The following MAGI2 variants were observed in gnomAD, a reference collection of about 807,000 sequenced individuals.
MAGI2 encodes membrane-associated guanylate kinase, WW and PDZ domain-containing protein 2.
Under a neutral mutation model 133.3 loss-of-function variants are expected in MAGI2, and 35 were observed. That is an observed-to-expected ratio of 0.26 (90% confidence interval 0.20 to 0.35). The LOEUF (loss-of-function observed/expected upper bound fraction) is 0.35, where lower values mean the gene tolerates loss of function less well. Ranked by LOEUF, MAGI2 falls within the 10% of genes least tolerant of loss-of-function variation. MAGI2 has a pLI of 1.00. For missense variants in MAGI2, 1,636 were observed against 1,863.4 expected (o/e 0.88, Z 2.25); for synonymous variants, 729 against 710.6 (o/e 1.03, Z -0.41).
chr7:78,685,225 T>C (rs1231349299), intron 2 of MAGI2, among the ~76,000 whole-genome samples: 1 of 152,206 alleles, frequency 6.6e-6, no homozygotes, highest in Non-Finnish European at 1.5e-5. Context: ...CATCATTTAT[T>C]CCTGGCAGAG....
chr7:78,126,311 A>C (rs948872554), intron 19 of MAGI2, among the ~76,000 whole-genome samples: 12 of 152,076 alleles, frequency 7.9e-5, no homozygotes, highest in African/African-American at 2.9e-4. Flanking sequence ...ATTGAATATC[A>C]AGTTGGAATG....
At chr7:78,709,286 A>G (rs1366052983) in intron 2 of MAGI2, among the ~76,000 whole-genome samples, 1 of 135,670 alleles carries the variant, frequency 7.4e-6, no homozygotes, top group South Asian at 2.4e-4. Flanking sequence ...ACACACCCCC[A>G]CCCCCACTCC....
chr7:79,385,035 G>A (rs1275978369), intron 1 of MAGI2, among the ~76,000 whole-genome samples: 1 of 151,600 alleles, frequency 6.6e-6, no homozygotes, highest in Admixed American at 6.6e-5. Context: ...AGAAAATGGG[G>A]GTTTCAACCA....
At chr7:78,884,779 A>G (rs1358273704) in intron 2 of MAGI2, among the ~76,000 whole-genome samples, 2 of 150,802 alleles carry the variant, frequency 1.3e-5, no homozygotes, top group Non-Finnish European at 3.0e-5. Flanking sequence ...TCAAAGAACT[A>G]AAAAAGATCT....
intron 2 of MAGI2, among the ~76,000 whole-genome samples, chr7:78,730,478 T>A (rs1228364453): frequency 6.6e-6 from 1 of 151,742 alleles, no homozygotes; most frequent in African/African-American, 2.4e-5. Context: ...TAGAAGGATA[T>A]CTTTATTGAT....
intron 1 of MAGI2, among the ~76,000 whole-genome samples, chr7:79,047,726 T>C (rs1446046364): frequency 6.6e-6 from 1 of 152,272 alleles, no homozygotes; most frequent in Admixed American, 6.5e-5. Context: ...TATTATCACC[T>C]AGTATTATGA....
intron 3 of MAGI2, among the ~76,000 whole-genome samples, chr7:78,541,410 G>A (rs1292123459): frequency 6.6e-6 from 1 of 152,078 alleles, no homozygotes; most frequent in East Asian, 1.9e-4. Context: ...ATTAAGCTTT[G>A]TTTTCCCAGC....
At chr7:79,042,453 A>T (rs552306645) in intron 1 of MAGI2, among the ~76,000 whole-genome samples, 1 of 152,176 alleles carries the variant, frequency 6.6e-6, no homozygotes, top group Non-Finnish European at 1.5e-5. Context: ...TGAAGACAGC[A>T]TATAGTTGGG....
At chr7:79,407,983 C>T (rs867762919) in intron 1 of MAGI2, among the ~76,000 whole-genome samples, 1 of 152,100 alleles carries the variant, frequency 6.6e-6, no homozygotes, top group South Asian at 2.1e-4. Flanking sequence ...ACACTTAGCC[C>T]TCAAATGATA....
intron 16 of MAGI2, among the ~76,000 whole-genome samples, chr7:78,143,523 A>C (rs1205695752): frequency 2.6e-5 from 4 of 152,188 alleles, no homozygotes; most frequent in African/African-American, 9.6e-5. Context: ...TTGTATAAAA[A>C]TTTCAAAATT....
chr7:79,101,862 G>C (rs1818014579), intron 1 of MAGI2, among the ~76,000 whole-genome samples: 1 of 151,288 alleles, frequency 6.6e-6, no homozygotes, highest in Non-Finnish European at 1.5e-5. Flanking sequence ...TCAAAATTCT[G>C]TCTATAACAT....
intron 2 of MAGI2, chr7:78,902,487 T>G (rs1413659212): frequency 6.6e-6 from 1 of 152,190 alleles, no homozygotes; most frequent in Admixed American, 6.5e-5. Flanking sequence ...AAATCAAATA[T>G]TTAACCTACC....
chr7:79,110,829 T>C (rs1447388245), intron 1 of MAGI2, among the ~76,000 whole-genome samples: 2 of 152,118 alleles, frequency 1.3e-5, no homozygotes, highest in East Asian at 1.9e-4. Context: ...ATTTGGGTCA[T>C]AGGGGCAGAT....
At chr7:78,867,057 T>A (rs1368634342) in intron 2 of MAGI2, among the ~76,000 whole-genome samples, 1 of 150,366 alleles carries the variant, frequency 6.7e-6, no homozygotes, top group Non-Finnish European at 1.5e-5. Flanking sequence ...CTGGAGAGGA[T>A]GTGGAGAAAT....
At chr7:78,131,650 A>G (rs1344635479) in intron 18 of MAGI2, among the ~76,000 whole-genome samples, 1 of 152,198 alleles carries the variant, frequency 6.6e-6, no homozygotes, top group Non-Finnish European at 1.5e-5. Context: ...TCATGGGAAC[A>G]TGTCTTCATC....
At chr7:79,052,025 T>G (rs1812719766) in intron 1 of MAGI2, among the ~76,000 whole-genome samples, 1 of 152,100 alleles carries the variant, frequency 6.6e-6, no homozygotes, top group Non-Finnish European at 1.5e-5. Flanking sequence ...ACTGTCCTTT[T>G]TGGGTATAGT....
intron 21 of MAGI2, among the ~76,000 whole-genome samples, chr7:78,055,382 G>C (rs1004929905): frequency 4.6e-5 from 7 of 152,178 alleles, no homozygotes; most frequent in Non-Finnish European, 7.3e-5. Context: ...AAGATGAATG[G>C]AAACGCTTTT....
rs1801817549 is a variant in MAGI2 at position 78,950,894 on chromosome 7, A to G, written c.418+56196T>C. On this transcript the variant is annotated intron_variant, in intron 2 of 21. Transcript: ENST00000354212. ...GTGGATATAATGTGAGTGACCCTAT[A>G]AAGTTAACATTGTCCTCTATTCTTA... 7.2e-5 allele frequency among the ~76,000 whole-genome samples: 11 copies of G among 152,230 alleles called. 1 individual carries two copies. In the South Asian group the frequency reaches 2.3e-3, roughly 32 times the overall value.
chr7:78,868,209 G>A (rs990329458), intron 2 of MAGI2, among the ~76,000 whole-genome samples: 2 of 152,128 alleles, frequency 1.3e-5, no homozygotes, highest in Non-Finnish European at 2.9e-5. Flanking sequence ...TTAAGAATGA[G>A]TAAACCTTAA....
Sources: allele counts gnomAD v4.1 joint callset (sites outside exome capture counted in the v4.1 genomes callset), GRCh38; gene constraint gnomAD v4.1.1; transcripts MANE v1.5; gene names NCBI Gene and HGNC (gene_info 2026-07-23, HGNC 2026-07-21).